The following EMSY variants were observed in gnomAD, a reference collection of about 807,000 sequenced individuals.
The protein encoded by EMSY is BRCA2-interacting transcriptional repressor EMSY.
EMSY carries 26 observed loss-of-function variants against 134.6 expected under a neutral mutation model. That is an observed-to-expected ratio of 0.19 (90% CI 0.14 to 0.27). The LOEUF is 0.27. Ranked by LOEUF, EMSY falls within the 10% of genes least tolerant of loss-of-function variation. The pLI is 1.00. For missense variants in EMSY, 1,305 were observed against 1,611.4 expected, an observed-to-expected ratio of 0.81 and a Z score of 3.26; for synonymous variants, 579 against 577.8, an observed-to-expected ratio of 1.00 and a Z score of -0.03.
At chr11:76,516,384 G>C (rs1950452374) in intron 11 of EMSY, 72 bp downstream of exon 12, 1 of 1,158,696 alleles carries the variant, frequency 8.6e-7, no homozygotes, top group Admixed American at 2.6e-5. Flanking sequence ...TTACTTCATT[G>C]AAGGATTATA....
intron 16 of EMSY, among the ~76,000 whole-genome samples, chr11:76,539,035 C>G (rs1951332671): frequency 6.6e-6 from 1 of 152,256 alleles, no homozygotes; most frequent in Middle Eastern, 3.4e-3. Context: ...AGCAGATTAG[C>G]TATTTGTTTA....
intron 8 of EMSY, among the ~76,000 whole-genome samples, chr11:76,483,900 T>C (rs1315071313): frequency 6.6e-6 from 1 of 152,216 alleles, no homozygotes; most frequent in Non-Finnish European, 1.5e-5. Flanking sequence ...CAAGTGGACC[T>C]AATAGACATC....
intron 15 of EMSY, among the ~76,000 whole-genome samples, chr11:76,537,231 T>C (rs146077993): frequency 1.4e-3 from 220 of 152,326 alleles, no homozygotes; most frequent in African/African-American, 5.1e-3. Flanking sequence ...TTCCAGACTG[T>C]TATATCAGAC....
At chr11:76,523,335 T>TTTA in intron 12 of EMSY, 44 bp downstream of exon 13, 1 of 1,581,474 alleles carries the variant, frequency 6.3e-7, no homozygotes, top group Non-Finnish European at 8.6e-7. Context: ...TCACAGAGGA[T>TTTA]TTAAAGACCA....
At chr11:76,446,954 C>G (rs1232280216) in exon 2 of EMSY, 7 of 1,613,182 alleles carry the variant, frequency 4.3e-6, no homozygotes. Context: ...TGTTGTGTGG[C>G]CAACCCTTCT....
chr11:76,477,554 AC>A (rs2135440711), intron 8 of EMSY, among the ~76,000 whole-genome samples: 1 of 152,216 alleles, frequency 6.6e-6, no homozygotes, highest in South Asian at 2.1e-4. Context: ...AATATGTTAT[AC>A]AAACTGTTGT....
chr11:76,545,595 C>A (rs1472011607), intron 19 of EMSY, among the ~76,000 whole-genome samples: 1 of 152,174 alleles, frequency 6.6e-6, no homozygotes, highest in East Asian at 1.9e-4. Flanking sequence ...AACAAAGGTT[C>A]TTTCAACCCC....
At chr11:76,511,891 C>T (rs1412359920) in intron 9 of EMSY, among the ~76,000 whole-genome samples, 1 of 151,988 alleles carries the variant, frequency 6.6e-6, no homozygotes, top group Admixed American at 6.6e-5. Flanking sequence ...TTAACAACAG[C>T]CTTATGAGGT....
chr11:76,473,568 C>T (rs1419326502), intron 8 of EMSY, among the ~76,000 whole-genome samples: 1 of 151,950 alleles, frequency 6.6e-6, no homozygotes, highest in African/African-American at 2.4e-5. Context: ...CTCAGCTTCC[C>T]GAAGTGCTGG....
chr11:76,528,097 G>A (rs1467888206), intron 13 of EMSY, among the ~76,000 whole-genome samples, 171 bp from the exon 15 acceptor site: 2 of 152,120 alleles, frequency 1.3e-5, no homozygotes, highest in Admixed American at 1.3e-4. Flanking sequence ...GGCTTACACT[G>A]TAATTTGTCT....
At chr11:76,527,645 T>C (rs1239407157) in intron 13 of EMSY, among the ~76,000 whole-genome samples, 2 of 152,120 alleles carry the variant, frequency 1.3e-5, no homozygotes, top group East Asian at 3.8e-4. Flanking sequence ...CAGGAGCTGA[T>C]CCAACACATG....
At chr11:76,452,344 C>T (rs1038382079) in intron 3 of EMSY, among the ~76,000 whole-genome samples, 5 of 152,088 alleles carry the variant, frequency 3.3e-5, no homozygotes. Context: ...AGGAAGATGC[C>T]TTAATTTACA....
At chr11:76,553,007 A>G (rs1022621004), downstream of EMSY, 1 of 152,220 alleles carries the variant, frequency 6.6e-6, no homozygotes, top group Non-Finnish European at 1.5e-5. Context: ...ATTGTGTGAA[A>G]TATATCACAT....
intron 4 of EMSY, chr11:76,453,605 A>T (rs1393827386): frequency 2.4e-5 from 9 of 375,540 alleles, no homozygotes; most frequent in Non-Finnish European, 2.4e-5. Context: ...CTCAGGTCAA[A>T]TCCTGTTACA....
At chr11:76,490,906 A>G (rs1023269917) in intron 8 of EMSY, among the ~76,000 whole-genome samples, 1 of 152,038 alleles carries the variant, frequency 6.6e-6, no homozygotes, top group African/African-American at 2.4e-5. Context: ...CTGTATTTTC[A>G]TATATTAAAA....
intron 20 of EMSY, chr11:76,546,963 A>C: frequency 2.5e-6 from 1 of 403,710 alleles, no homozygotes; most frequent in Non-Finnish European, 4.9e-6. Context: ...AGAATTATTC[A>C]TTGATAATAG....
chr11:76,485,381 G>A (rs1057223703), intron 8 of EMSY, among the ~76,000 whole-genome samples: 1 of 152,154 alleles, frequency 6.6e-6, no homozygotes. Context: ...GGGATGCAAG[G>A]CTGGTTCAAC....
chr11:76,534,805 GT>G (rs1951168833), intron 14 of EMSY, among the ~76,000 whole-genome samples: 1 of 152,092 alleles, frequency 6.6e-6, no homozygotes, highest in Middle Eastern at 3.4e-3. Context: ...TTTATTTGAT[GT>G]TTCCCCCATT....
At chr11:76,507,837 AT>A (rs35759151) in intron 9 of EMSY, among the ~76,000 whole-genome samples, 80,454 of 146,832 alleles carry the variant, frequency 0.55, 22,748 homozygotes, top group South Asian at 0.67. Context: ...TACAAAATGC[AT>A]TTTTTTTTCT....
Sources: gnomAD v4.1 joint callset for allele counts (sites outside exome capture counted in the v4.1 genomes callset) on GRCh38, gnomAD v4.1.1 for gene constraint, MANE v1.5 for transcripts, NCBI Gene and HGNC (gene_info 2026-07-23, HGNC 2026-07-21) for gene names.